Variants in FOXP2 observed in about 807,000 individuals in gnomAD.
FOXP2 encodes the protein forkhead box protein P2.
Under a neutral mutation model 115.8 loss-of-function variants are expected in FOXP2, and 12 were observed. The ratio of observed to expected loss-of-function variants is 0.10; its 90% confidence interval spans 0.07 to 0.17. The LOEUF (loss-of-function observed/expected upper bound fraction) is 0.17, where lower values mean the gene tolerates loss of function less well. Ranked by LOEUF, FOXP2 falls within the 10% of genes least tolerant of loss-of-function variation. FOXP2 has a pLI of 1.00. For missense variants in FOXP2, 629 were observed against 843.5 expected, an observed-to-expected ratio of 0.75 and a Z score of 3.15; for synonymous variants, 328 against 297.7, an observed-to-expected ratio of 1.10 and a Z score of -1.05.
chr7:114,439,719 T>A (rs1163464375), intron 2 of FOXP2, among the ~76,000 whole-genome samples: 1 of 151,818 alleles, frequency 6.6e-6, no homozygotes, highest in Non-Finnish European at 1.5e-5. Flanking sequence ...TCCTAATTTT[T>A]TTTGTGTGTA....
chr7:114,087,519 T>G (rs1377090180), upstream of FOXP2, among the ~76,000 whole-genome samples: 1 of 151,868 alleles, frequency 6.6e-6, no homozygotes. Context: ...TAGGGAGGGC[T>G]TCTCACTTGG....
chr7:114,256,320 T>A (rs958968541), intron 1 of FOXP2, among the ~76,000 whole-genome samples: 2 of 152,176 alleles, frequency 1.3e-5, no homozygotes, highest in African/African-American at 4.8e-5. Flanking sequence ...TTGATCAGGC[T>A]GGTCTCAAAC....
intron 2 of FOXP2, among the ~76,000 whole-genome samples, chr7:114,408,895 A>G (rs576700153): frequency 3.4e-4 from 52 of 152,186 alleles, no homozygotes; most frequent in Non-Finnish European, 5.7e-4. Flanking sequence ...ATAATTGACC[A>G]GAGTACTTGT....
chr7:114,228,817 A>G (rs1046475040), intron 1 of FOXP2, among the ~76,000 whole-genome samples: 3 of 151,638 alleles, frequency 2.0e-5, no homozygotes, highest in African/African-American at 7.3e-5. Flanking sequence ...AAACACAAAG[A>G]GAGCAAGACA....
At chr7:114,149,381 G>A (rs1447431356) in intron 1 of FOXP2, among the ~76,000 whole-genome samples, 1 of 151,890 alleles carries the variant, frequency 6.6e-6, no homozygotes, top group Non-Finnish European at 1.5e-5. Context: ...GTGATTATTA[G>A]CATAAGTTTT....
At chr7:114,372,414 C>T (rs918608525) in intron 2 of FOXP2, among the ~76,000 whole-genome samples, 1 of 151,976 alleles carries the variant, frequency 6.6e-6, no homozygotes, top group African/African-American at 2.4e-5. Context: ...AATAATTAGG[C>T]TAGGACAACA....
intron 13 of FOXP2, among the ~76,000 whole-genome samples, chr7:114,661,465 A>T (rs1335426111): frequency 6.6e-6 from 1 of 152,072 alleles, no homozygotes; most frequent in Non-Finnish European, 1.5e-5. Flanking sequence ...ATTTACAAAA[A>T]CTTTATTGGG....
chr7:114,129,760 A>T (rs1584495539), intron 1 of FOXP2, among the ~76,000 whole-genome samples: 1 of 152,208 alleles, frequency 6.6e-6, no homozygotes, highest in Non-Finnish European at 1.5e-5. Flanking sequence ...TGCTTTATAT[A>T]CCTTCACTGT....
At chr7:114,664,088 C>T (rs1041268899) in intron 15 of FOXP2, among the ~76,000 whole-genome samples, 185 bp from the exon 16 acceptor site, 3 of 152,222 alleles carry the variant, frequency 2.0e-5, no homozygotes, top group South Asian at 4.1e-4. Flanking sequence ...ATTTTCACAT[C>T]GCACTTAATT....
At chr7:114,178,300 A>T (rs533955283) in intron 1 of FOXP2, among the ~76,000 whole-genome samples, 9 of 152,012 alleles carry the variant, frequency 5.9e-5, no homozygotes, top group Middle Eastern at 6.8e-3. Context: ...AAGATCTTTA[A>T]ATTTTTGAGC....
intron 2 of FOXP2, among the ~76,000 whole-genome samples, chr7:114,475,544 A>T (rs1796219887): frequency 1.3e-5 from 2 of 152,044 alleles, no homozygotes; most frequent in Admixed American, 6.6e-5. Flanking sequence ...AGCCCTCTGA[A>T]CATGACCATA....
chr7:114,441,026 T>A (rs1794576321), intron 2 of FOXP2, among the ~76,000 whole-genome samples: 1 of 152,196 alleles, frequency 6.6e-6, no homozygotes, highest in African/African-American at 2.4e-5. Context: ...CTTGGGCAGA[T>A]TACTGCCTAA....
chr7:114,660,091 C>G (rs1279981515), intron 13 of FOXP2, among the ~76,000 whole-genome samples: 2 of 152,198 alleles, frequency 1.3e-5, no homozygotes, highest in Non-Finnish European at 2.9e-5. Context: ...CATACCTCAT[C>G]ATACAGACTG....
intron 1 of FOXP2, among the ~76,000 whole-genome samples, chr7:114,093,451 G>T (rs1282121891): frequency 6.6e-6 from 1 of 152,038 alleles, no homozygotes; most frequent in Non-Finnish European, 1.5e-5. Flanking sequence ...TGGCATGTAG[G>T]TTCCATGGAG....
At chr7:114,159,588 C>T (rs529462545), upstream of FOXP2, among the ~76,000 whole-genome samples, 44 of 151,902 alleles carry the variant, frequency 2.9e-4, no homozygotes, top group African/African-American at 1.0e-3. Context: ...TGTAAAATTA[C>T]CATCCAAACT....
intron 1 of FOXP2, among the ~76,000 whole-genome samples, chr7:114,216,085 G>A (rs981793178): frequency 2.0e-5 from 3 of 152,100 alleles, no homozygotes; most frequent in African/African-American, 7.2e-5. Flanking sequence ...GAATTGAACT[G>A]AGAAAAAGGA....
chr7:114,457,445 C>G (rs1254913358), intron 2 of FOXP2, among the ~76,000 whole-genome samples: 1 of 151,942 alleles, frequency 6.6e-6, no homozygotes, highest in Non-Finnish European at 1.5e-5. Flanking sequence ...TCTTCTCAGT[C>G]TCTTTCAGCT....
chr7:114,338,578 A>G (rs1341712049), intron 2 of FOXP2, among the ~76,000 whole-genome samples: 1 of 151,174 alleles, frequency 6.6e-6, no homozygotes, highest in Non-Finnish European at 1.5e-5. Context: ...TTTATGGTTC[A>G]TATCCTGAAA....
chr7:114,357,376 T>C (rs181943763), intron 2 of FOXP2, among the ~76,000 whole-genome samples: 36 of 152,292 alleles, frequency 2.4e-4, no homozygotes, highest in Middle Eastern at 3.4e-3. Flanking sequence ...GATTCAGCCA[T>C]AACTAGAAAT....
Sources: gnomAD v4.1 joint callset for allele counts (sites outside exome capture counted in the v4.1 genomes callset) on GRCh38, gnomAD v4.1.1 for gene constraint, MANE v1.5 for transcripts, NCBI Gene and HGNC (gene_info 2026-07-23, HGNC 2026-07-21) for gene names.